Variants in CNTRL observed in about 807,000 individuals in gnomAD.
CNTRL encodes the protein 110 kDa centrosomal protein.
A neutral mutation model predicts 303.7 loss-of-function variants in CNTRL; 233 were observed. The ratio of observed to expected loss-of-function variants is 0.77; its 90% CI spans 0.69 to 0.86. The LOEUF is 0.86. Ranked by LOEUF, CNTRL falls within the 40% of genes least tolerant of loss-of-function variation. The pLI is 0.00. For synonymous variants in CNTRL, 900 were observed against 922.2 expected, an observed-to-expected ratio of 0.98 and a Z score of 0.44; for missense variants, 2,524 against 2,650.6, an observed-to-expected ratio of 0.95 and a Z score of 1.05.
intron 36 of CNTRL, 49 bp downstream of exon 36, chr9:121,166,229 A>C: frequency 7.5e-7 from 1 of 1,330,260 alleles, no homozygotes. Flanking sequence ...GGGTATGCAG[A>C]CCATTGGTTT....
At chr9:121,166,025 T>C (rs1393110334) in intron 35 of CNTRL, 82 bp from the exon 36 acceptor site, 3 of 1,045,218 alleles carry the variant, frequency 2.9e-6, no homozygotes, top group East Asian at 2.6e-5. Flanking sequence ...AAACAACTTC[T>C]CTACTTTTTG....
chr9:121,138,473 T>G, intron 15 of CNTRL, 72 bp from the exon 16 acceptor site: 1 of 1,500,144 alleles, frequency 6.7e-7, no homozygotes, highest in South Asian at 1.2e-5. Context: ...ATATGTAAAT[T>G]TATTTGTGCC....
intron 2 of CNTRL, among the ~76,000 whole-genome samples, chr9:121,084,499 A>G (rs1370840283): frequency 6.6e-6 from 1 of 151,940 alleles, no homozygotes; most frequent in African/African-American, 2.4e-5. Context: ...TACTGTACGC[A>G]CACTGTAGGC....
chr9:121,097,807 A>G (rs2048955235), intron 6 of CNTRL, among the ~76,000 whole-genome samples: 1 of 152,196 alleles, frequency 6.6e-6, no homozygotes, highest in Non-Finnish European at 1.5e-5. Context: ...CCCCATTGAT[A>G]TTTGACATTG....
intron 21 of CNTRL, 50 bp from the exon 22 acceptor site, chr9:121,145,194 G>A (rs1380433690): frequency 4.5e-6 from 7 of 1,559,888 alleles, no homozygotes; most frequent in Non-Finnish European, 6.1e-6. Flanking sequence ...AATGTGTTTG[G>A]GAAAGAATGA....
rs901156822 is a variant in CNTRL at position 121,088,525 on chromosome 9, G to T, written c.199G>T (p.Asp67Tyr). Residue 67 changes from aspartate to tyrosine, a missense_variant, in exon 3 of 44, where the codon GAC becomes TAC. Coordinates refer to ENST00000373855, the MANE Select transcript of CNTRL (RefSeq NM_007018.6). ...TGCAGATGAAAACAATATGCTTTTG[G>T]ACTATCAAGACCATAAAGGTATCAC... ...EIADENNMLL[D>Y]YQDHKGADSH... 4.1e-5 allele frequency: 66 copies of T among 1,602,174 alleles called. No individual in the cohort carries two copies. The East Asian group carries it at 1.5e-3, about 35-fold the overall frequency.
At chr9:121,087,932 G>T (rs1477372983) in intron 2 of CNTRL, among the ~76,000 whole-genome samples, 1 of 152,182 alleles carries the variant, frequency 6.6e-6, no homozygotes, top group Non-Finnish European at 1.5e-5. Context: ...TTTGAGGAAG[G>T]AGAGAGTGCT....
At chr9:121,156,535 C>T (rs1252487977) in intron 27 of CNTRL, among the ~76,000 whole-genome samples, 2 of 152,182 alleles carry the variant, frequency 1.3e-5, no homozygotes, top group Non-Finnish European at 2.9e-5. Flanking sequence ...ATATGTAGCT[C>T]TCTGGGAGCT....
chr9:121,080,933 CA>C lies in CNTRL; in HGVS notation c.-32+461del, dbSNP rs528824375. On this transcript the variant is annotated intron_variant, in intron 2 of 43. Transcript: ENST00000373855. ...CATGGGAGCCTTCAGAATGAAGACC[CA>C]AAAAATGCAGAAAAAATTATCCGTT... Among the ~76,000 whole-genome samples, 16 of 152,148 alleles carry C rather than the reference CA, an allele frequency of 1.1e-4. No individual in the cohort carries two copies. In the South Asian group the frequency reaches 2.9e-3, roughly 28 times the overall value.
At chr9:121,145,023 TTACTG>T in intron 21 of CNTRL, 64 bp downstream of exon 21, 2 of 1,375,358 alleles carry the variant, frequency 1.5e-6, no homozygotes, top group Non-Finnish European at 2.1e-6. Flanking sequence ...AAAGACAAAA[TTACTG>T]TAGGTGATGT....
chr9:121,149,453 G>A lies in CNTRL; in HGVS notation c.3649+592G>A, dbSNP rs181568193. 1.1e-4 allele frequency among the ~76,000 whole-genome samples: 17 copies of A among 151,530 alleles called. No homozygotes were observed. In the East Asian group the frequency reaches 3.3e-3, roughly 29 times the overall value. ...GTCTCGCTCTGTCACCCAGGCTAGA[G>A]TGCAGTGGCACAATCTTGGCTTACT... is the stretch of plus-strand genomic sequence containing the variant. On this transcript the variant is annotated intron_variant, in intron 24 of 43. Transcript: ENST00000373855.
chr9:121,159,993 TATA>T, intron 31 of CNTRL, 147 bp from the exon 32 acceptor site: 3 of 454,342 alleles, frequency 6.6e-6, no homozygotes, highest in South Asian at 5.1e-5. Flanking sequence ...TTCTGTAAAA[TATA>T]ATGCTGTTCT....
chr9:121,166,277 C>A, intron 36 of CNTRL, 97 bp downstream of exon 36: 3 of 790,594 alleles, frequency 3.8e-6, no homozygotes, highest in Non-Finnish European at 4.1e-6. Flanking sequence ...TTCCTCTTCA[C>A]AACAGCAGAT....
rs776672961 is a variant in CNTRL at position 121,113,703 on chromosome 9, A to G, written c.1324A>G (p.Lys442Glu). ...HTPLDTQLEDKEKKISAAQTR... is the reference protein window; with the variant it reads ...HTPLDTQLEDEEKKISAAQTR... The stretch of plus-strand genomic sequence containing the variant: ...ACCACTGGACACGCAACTGGAAGAC[A>G]AAGAAAAAAAAATAAGTGCAGGTTA... The change falls in exon 10 of 44, where the codon AAA (lysine) becomes GAA (glutamate). Residue 442 changes from lysine to glutamate, a missense_variant. Transcript: ENST00000373855. 8 of 1,536,134 alleles carry G rather than the reference A, an allele frequency of 5.2e-6. No homozygotes were observed. Among genetic ancestry groups the G allele is most frequent in the Non-Finnish European group, 7.0e-6 (8 of 1,149,468 alleles).
At chr9:121,156,965 A>C (rs1483940225) in intron 27 of CNTRL, among the ~76,000 whole-genome samples, 1 of 152,210 alleles carries the variant, frequency 6.6e-6, no homozygotes, top group African/African-American at 2.4e-5. Context: ...TTGGGTAGAT[A>C]GTTTTAATAT....
At position 121,150,261 on chromosome 9, in the gene CNTRL, T is replaced by C. The variant is rs1438369268; in HGVS notation, c.3741T>C (p.Tyr1247=). The change falls in exon 25 of 44, where the codon TAT becomes TAC. Residue 1247 remains tyrosine (Y), a synonymous_variant. Transcript: ENST00000373855. ...PFVPPPGYMM[Y]TVLPDGSPVP... is the part of the protein sequence containing the mutation. ...TGCCTCCTCCTGGATACATGATGTA[T>C]ACTGTGCTTCCTGATGGTTCTCCTG... 6.2e-7 allele frequency: 1 copy of C among 1,614,188 alleles called. No individual in the cohort carries two copies. Among genetic ancestry groups the C allele is most frequent in the Non-Finnish European group, 8.5e-7 (1 of 1,180,010 alleles).
At chr9:121,092,974 T>A (rs1298550345) in intron 4 of CNTRL, among the ~76,000 whole-genome samples, 3 of 148,746 alleles carry the variant, frequency 2.0e-5, no homozygotes, top group African/African-American at 7.5e-5. Flanking sequence ...GCCCAGCTAA[T>A]TTTTTTTTAT....
Position 121,135,796 on chromosome 9 carries a change from A to G in CNTRL, c.2026-10A>G. On this transcript the variant is annotated splice_polypyrimidine_tract_variant and intron_variant, in intron 14 of 43. Transcript: ENST00000373855. ...AGGGTTCCATAGTTAAACCCACTGAATCTTTCTAGGAGCTTGCAGAGCTAG... is the reference window on the plus strand; with the variant it reads ...AGGGTTCCATAGTTAAACCCACTGAGTCTTTCTAGGAGCTTGCAGAGCTAG... 6.3e-7 allele frequency: 1 copy of G among 1,598,536 alleles called. No homozygotes were observed.
chr9:121,141,899 G>T (rs1303690496), intron 18 of CNTRL, among the ~76,000 whole-genome samples, 192 bp from the exon 19 acceptor site: 3 of 152,120 alleles, frequency 2.0e-5, no homozygotes, highest in African/African-American at 7.2e-5. Context: ...TTGATGTGAT[G>T]ATTTTAATGA....
Sources: allele counts gnomAD v4.1 joint callset (sites outside exome capture counted in the v4.1 genomes callset), GRCh38; gene constraint gnomAD v4.1.1; transcripts MANE v1.5; gene names NCBI Gene and HGNC (gene_info 2026-07-23, HGNC 2026-07-21).